Variants in QPCTL observed in about 807,000 individuals in gnomAD.
QPCTL encodes glutaminyl-peptide cyclotransferase like, also known as glutaminyl-peptide cyclotransferase-like protein.
In QPCTL, 31 loss-of-function variants were observed where a neutral mutation model predicts 34.6. The observed-to-expected ratio is 0.90, with a 90% CI of 0.67 to 1.21. The LOEUF (loss-of-function observed/expected upper bound fraction) is 1.21. Ranked by LOEUF, QPCTL falls within the 50% of genes most tolerant of loss-of-function variation. The pLI is 0.00. For missense variants in QPCTL, 474 were observed against 507.8 expected, an observed-to-expected ratio of 0.93 and a Z score of 0.64; for synonymous variants, 223 against 226.9, an observed-to-expected ratio of 0.98 and a Z score of 0.15.
chr19:45,698,321 T>C (rs1306306433), intron 3 of QPCTL, among the ~76,000 whole-genome samples: 1 of 152,130 alleles, frequency 6.6e-6, no homozygotes, highest in African/African-American at 2.4e-5. Flanking sequence ...AAACTGATCC[T>C]TCCAGAAGTT....
intron 5 of QPCTL, among the ~76,000 whole-genome samples, chr19:45,699,863 C>T (rs1449579342): frequency 1.4e-4 from 20 of 143,080 alleles, no homozygotes; most frequent in Non-Finnish European, 2.5e-4. Context: ...ACCTGGGAGG[C>T]GGAGGTTGCA....
chr19:45,696,424 C>T (rs1967698239), intron 3 of QPCTL, among the ~76,000 whole-genome samples: 3 of 152,012 alleles, frequency 2.0e-5, no homozygotes, highest in Non-Finnish European at 4.4e-5. Context: ...AACCCCATCT[C>T]TACCAAAAAC....
At chr19:45,702,299 A>G (rs1967826116) in intron 6 of QPCTL, among the ~76,000 whole-genome samples, 1 of 151,850 alleles carries the variant, frequency 6.6e-6, no homozygotes, top group Admixed American at 6.6e-5. Flanking sequence ...TGTCTTTACT[A>G]AAAATACAAA....
intron 6 of QPCTL, 92 bp from the exon 7 acceptor site, chr19:45,702,812 G>C: frequency 6.7e-7 from 1 of 1,481,572 alleles, no homozygotes; most frequent in South Asian, 1.2e-5. Context: ...CCAGTGTGTG[G>C]TGGCAAGGCA....
intron 5 of QPCTL, among the ~76,000 whole-genome samples, chr19:45,699,274 G>A (rs1486582003): frequency 6.6e-6 from 1 of 151,450 alleles, no homozygotes; most frequent in African/African-American, 2.4e-5. Flanking sequence ...CTCGTGATCC[G>A]TCCACCTCAG....
In QPCTL at chr19:45,695,727, C is replaced by G; in HGVS notation, c.633+9C>G. ...GCAGGGCCAAAAAACAGGTGAGGAG[C>G]AGGAGTCGGGGAGGGTAGTGGGCTA... On this transcript the variant is annotated intron_variant, in intron 3 of 6. Transcript: ENST00000012049. 6.3e-7 allele frequency: 1 copy of G among 1,593,484 alleles called. No homozygotes were observed. Among genetic ancestry groups the G allele is most frequent in the East Asian group, 2.3e-5 (1 of 44,250 alleles).
At chr19:45,697,006 A>G (rs1967709760) in intron 3 of QPCTL, among the ~76,000 whole-genome samples, 1 of 151,730 alleles carries the variant, frequency 6.6e-6, no homozygotes, top group Non-Finnish European at 1.5e-5. Flanking sequence ...CTGTAATCCT[A>G]CTACTTGGGA....
Position 45,701,895 on chromosome 19 carries a change from C to T in QPCTL, c.984C>T (p.His328=). 1.9e-6 allele frequency: 3 copies of T among 1,612,718 alleles called. No individual in the cohort carries two copies. Among genetic ancestry groups the T allele is most frequent in the Non-Finnish European group, 2.5e-6 (3 of 1,178,800 alleles). ...GEPFGSVEDD[H]IPFLRRGVPV... ...CCTTTGGCTCTGTGGAAGACGACCA[C>T]ATCCCCTTCCTCCGCAGAGGTACCA... Residue 328 remains histidine (H), a synonymous_variant, in exon 6 of 7, where the codon CAC becomes CAT. Coordinates refer to ENST00000012049, the MANE Select transcript of QPCTL (RefSeq NM_017659.4).
intron 5 of QPCTL, among the ~76,000 whole-genome samples, chr19:45,700,949 C>T (rs1304665833): frequency 3.7e-5 from 5 of 134,098 alleles, no homozygotes; most frequent in Non-Finnish European, 6.2e-5. Flanking sequence ...CAGAGCAAGA[C>T]TCTGTCTCAA....
chr19:45,695,668 C>T lies in QPCTL; in HGVS notation c.583C>T (p.Leu195=). 1 of 1,613,590 alleles carries T rather than the reference C, an allele frequency of 6.2e-7. No homozygotes were observed. The highest frequency in any genetic ancestry group is 8.5e-7 in the Non-Finnish European group (1 of 1,179,928). ...TTCGGCTGTGCCCTGTGCCCTGCTG[C>T]TGGAGCTGGCCCAAGCACTTGACCT... ...TDSAVPCALL[L]ELAQALDLEL... is the part of the protein sequence containing the mutation. The change falls in exon 3 of 7, where the codon CTG becomes TTG. Residue 195 remains leucine, a synonymous_variant. Coordinates refer to ENST00000012049, the MANE Select transcript of QPCTL (RefSeq NM_017659.4).
In QPCTL at chr19:45,702,962, G is replaced by A. The variant is rs112197334; in HGVS notation, c.1062G>A (p.Ala354=). 3.7e-4 allele frequency: 603 copies of A among 1,613,940 alleles called. 2 individuals are homozygous for A. In the African/African-American group the frequency reaches 4.0e-3, roughly 11 times the overall value. Residue 354 remains alanine, a synonymous_variant, in exon 7 of 7, where the codon GCG becomes GCA. Transcript: ENST00000012049. ...TPFPAVWHTP[A]DTEVNLHPPT... ...TCCCTGCTGTCTGGCACACCCCTGCGGACACCGAGGTCAATCTCCACCCAC... is the reference window on the plus strand; with the variant it reads ...TCCCTGCTGTCTGGCACACCCCTGCAGACACCGAGGTCAATCTCCACCCAC...
intron 5 of QPCTL, among the ~76,000 whole-genome samples, chr19:45,699,613 C>T (rs1048280973): frequency 1.3e-5 from 2 of 151,658 alleles, no homozygotes; most frequent in Admixed American, 6.6e-5. Context: ...GGCAATATGG[C>T]GAAACCCTGT....
chr19:45,699,408 A>G (rs1404247964), intron 5 of QPCTL, among the ~76,000 whole-genome samples: 2 of 151,850 alleles, frequency 1.3e-5, no homozygotes, highest in Non-Finnish European at 2.9e-5. Flanking sequence ...GTATCCTTAG[A>G]GCCTGGGAGG....
rs755207457 is a variant in QPCTL at position 45,693,458 on chromosome 19, G to A, written c.253G>A (p.Val85Met). 6.2e-7 allele frequency: 1 copy of A among 1,613,172 alleles called. No homozygotes were observed. The highest frequency in any genetic ancestry group is 2.2e-5 in the East Asian group (1 of 44,810). ...CCCCGAAGCCCGGCTGCGGAGGGTG[G>A]TGGGACAACTGGATCCACAGCGTCT... ...SLPEARLRRVVGQLDPQRLWS... is the reference protein window; with the variant it reads ...SLPEARLRRVMGQLDPQRLWS... The change falls in exon 2 of 7, where the codon GTG becomes ATG. Residue 85 changes from valine (V) to methionine (M), a missense_variant. By Grantham distance (21) the Val-to-Met change is conservative. Transcript: ENST00000012049.
chr19:45,693,934 C>CA (rs1451707617), intron 2 of QPCTL, among the ~76,000 whole-genome samples: 1 of 152,170 alleles, frequency 6.6e-6, no homozygotes, highest in Non-Finnish European at 1.5e-5. Flanking sequence ...TTTGGGAAGC[C>CA]AAGGTGGAAG....
chr19:45,701,713 G>C, intron 5 of QPCTL, 85 bp from the exon 6 acceptor site: 1 of 1,018,930 alleles, frequency 9.8e-7, no homozygotes, highest in Non-Finnish European at 1.5e-6. Context: ...TTGTCTCTGG[G>C]TGCTCTGCCT....
Position 45,698,657 on chromosome 19 carries a change from G to A in QPCTL, c.744G>A (p.Glu248=), listed in dbSNP as rs1438515589. Residue 248 remains glutamate, a synonymous_variant, in exon 4 of 7, where the codon GAG becomes GAA. Coordinates refer to ENST00000012049, the MANE Select transcript of QPCTL (RefSeq NM_017659.4). ...YGSRHLAQLM[E]SIPHSPGPTR... ...CCCGGCACCTGGCCCAGCTCATGGA[G>A]TCTATACCTCACAGCCCCGGCCCCA... 1.2e-6 allele frequency: 2 copies of A among 1,614,134 alleles called. No individual in the cohort carries two copies. Among genetic ancestry groups the A allele is most frequent in the Middle Eastern group, 1.7e-4 (1 of 6,060 alleles).
chr19:45,694,503 C>A (rs889238876), intron 2 of QPCTL, among the ~76,000 whole-genome samples: 1 of 151,160 alleles, frequency 6.6e-6, no homozygotes, highest in Non-Finnish European at 1.5e-5. Context: ...TGGAGTCTCA[C>A]ACTGTCGCCT....
Position 45,702,017 on chromosome 19 carries a change from T to C in QPCTL, c.1003+103T>C. The C allele has an allele frequency of 3.5e-6, 3 of 851,276 alleles. No individual in the cohort carries two copies. The Admixed American group carries it at 6.7e-5, about 19-fold the overall frequency. The allele number at this position is 851,276 out of a possible 1,614,324, so 52.7% of individuals were successfully genotyped here. A position where few individuals can be genotyped will look rare whatever the true frequency, so the allele number is the denominator to read the frequency against. On this transcript the variant is annotated intron_variant, in intron 6 of 6. Transcript: ENST00000012049. Reference sequence around the variant, plus strand: ...GGCTGGGGAATGGTGCTAAGTGGCCTTAACCTCTTTGTGCTTTGATTTATT... The same window carrying C: ...GGCTGGGGAATGGTGCTAAGTGGCCCTAACCTCTTTGTGCTTTGATTTATT...
Sources: allele counts gnomAD v4.1 joint callset (sites outside exome capture counted in the v4.1 genomes callset), GRCh38; gene constraint gnomAD v4.1.1; transcripts MANE v1.5; gene names NCBI Gene and HGNC (gene_info 2026-07-23, HGNC 2026-07-21).